UBE2D3: variants seen among roughly 807,000 people sequenced by gnomAD.
UBE2D3 encodes ubiquitin conjugating enzyme E2 D3.
A neutral mutation model predicts 22.8 loss-of-function variants in UBE2D3; 2 were observed. The ratio of observed to expected loss-of-function variants is 0.09; its 90% CI spans 0.04 to 0.28. The LOEUF (loss-of-function observed/expected upper bound fraction) is 0.28. UBE2D3 is among the 10% of genes least tolerant of loss of function. The pLI is 1.00. For missense variants in UBE2D3, 27 were observed against 182.5 expected, an observed-to-expected ratio of 0.15 and a Z score of 4.91; for synonymous variants, 56 against 60.4, an observed-to-expected ratio of 0.93 and a Z score of 0.34.
chr4:102,843,661 C>A (rs1731886881), intron 1 of UBE2D3: 1 of 115,726 alleles, frequency 8.6e-6, no homozygotes, highest in African/African-American at 3.9e-5. Context: ...CATTGGACCC[C>A]TAGAAACCTG....
intron 2 of UBE2D3, among the ~76,000 whole-genome samples, chr4:102,824,253 TTAAC>T (rs1404213574): frequency 6.6e-6 from 1 of 152,250 alleles, no homozygotes; most frequent in East Asian, 1.9e-4. Flanking sequence ...GACAACCTGG[TTAAC>T]TAAGAGTACT....
intron 1 of UBE2D3, chr4:102,827,129 C>T: frequency 1.0e-6 from 1 of 986,612 alleles, no homozygotes; most frequent in South Asian, 4.6e-5. Flanking sequence ...TTCTGTGTCA[C>T]CCCTGACGCC....
At chr4:102,822,550 A>G (rs1162026968) in intron 2 of UBE2D3, among the ~76,000 whole-genome samples, 1 of 152,266 alleles carries the variant, frequency 6.6e-6, no homozygotes, top group African/African-American at 2.4e-5. Flanking sequence ...ACCTAAGAGT[A>G]AAGCTAACTC....
rs140527756 is a variant in UBE2D3 at position 102,805,345 on chromosome 4, A to G, written c.121-2707T>C. ...AAACAAAATCCCCAAAGAATAAGGA[A>G]CACTGTGATCAGCAAATCGACTCAA... On this transcript the variant is annotated intron_variant, in intron 4 of 7. Coordinates refer to ENST00000453744, the MANE Select transcript of UBE2D3 (RefSeq NM_181891.3). 5.6e-3 allele frequency among the ~76,000 whole-genome samples: 857 copies of G among 152,316 alleles called. 5 individuals carry two copies. The highest frequency in any genetic ancestry group is 0.014 in the Middle Eastern group (4 of 294).
rs1252943702 is a variant in UBE2D3 at position 102,826,509 on chromosome 4, A to G, written c.-1T>C. The G allele has an allele frequency of 6.2e-7, 1 of 1,612,938 alleles. No individual in the cohort carries two copies. The highest frequency in any genetic ancestry group is 8.5e-7 in the Non-Finnish European group (1 of 1,179,874). On this transcript the variant is annotated 5_prime_UTR_variant, in exon 2 of 8. Coordinates refer to ENST00000453744, the MANE Select transcript of UBE2D3 (RefSeq NM_181891.3). ...CCTTATTAATCCGTTTCAGCGCCAT[A>G]GTGTGTGCTTGTCGTCTGGCTCCTC... is the stretch of plus-strand genomic sequence containing the variant.
intron 4 of UBE2D3, among the ~76,000 whole-genome samples, chr4:102,803,916 G>A (rs925834402): frequency 6.6e-6 from 1 of 151,596 alleles, no homozygotes; most frequent in Non-Finnish European, 1.5e-5. Context: ...TTACACATAT[G>A]CACCACCACA....
intron 1 of UBE2D3, among the ~76,000 whole-genome samples, chr4:102,833,904 C>T (rs1393338063): frequency 6.6e-6 from 1 of 152,160 alleles, no homozygotes; most frequent in African/African-American, 2.4e-5. Context: ...GAGGACCGAC[C>T]TACCCCTCTG....
intron 1 of UBE2D3, among the ~76,000 whole-genome samples, chr4:102,865,085 T>C (rs755517278): frequency 3.3e-5 from 5 of 152,208 alleles, no homozygotes; most frequent in Non-Finnish European, 7.3e-5. Flanking sequence ...CACAGGTGAA[T>C]ACCTTTGTGA....
rs1728792548 is a variant in UBE2D3, at chr4:102,816,484, G to T, written c.25-6629C>A. Among the ~76,000 whole-genome samples, 6 of 152,144 alleles carry T rather than the reference G, an allele frequency of 3.9e-5. No individual in the cohort carries two copies. In the South Asian group the frequency reaches 1.2e-3, roughly 32 times the overall value. On this transcript the variant is annotated intron_variant, in intron 2 of 7. Coordinates refer to ENST00000453744, the MANE Select transcript of UBE2D3 (RefSeq NM_181891.3). ...GTTCCTGAGGTTGTAGCTTGCTCTG[G>T]TTCCTACACCTATTCCATTCATTGT...
intron 6 of UBE2D3, 90 bp from the exon 7 acceptor site, chr4:102,799,590 AAAAG>A (rs1363268488): frequency 2.2e-6 from 2 of 897,406 alleles, no homozygotes; most frequent in East Asian, 5.1e-5. Flanking sequence ...CTCAATCCTC[AAAAG>A]ACTTTTATTA....
intron 4 of UBE2D3, among the ~76,000 whole-genome samples, chr4:102,807,867 C>CA (rs746027925): frequency 2.0e-5 from 3 of 152,014 alleles, no homozygotes; most frequent in Non-Finnish European, 2.9e-5. Flanking sequence ...GTGTGTTGTT[C>CA]AAAATAACAA....
At chr4:102,807,146 C>T (rs942916253) in intron 4 of UBE2D3, among the ~76,000 whole-genome samples, 8 of 152,164 alleles carry the variant, frequency 5.3e-5, no homozygotes, top group Non-Finnish European at 1.0e-4. Context: ...TAGTCCAAAG[C>T]AAAAGTGACG....
chr4:102,820,305 T>C (rs1729395066), intron 2 of UBE2D3, among the ~76,000 whole-genome samples: 1 of 152,144 alleles, frequency 6.6e-6, no homozygotes, highest in South Asian at 2.1e-4. Flanking sequence ...AACAACAAAC[T>C]TCAGAAACAT....
At chr4:102,834,943 T>A (rs1254495653) in intron 1 of UBE2D3, among the ~76,000 whole-genome samples, 1 of 151,990 alleles carries the variant, frequency 6.6e-6, no homozygotes, top group Admixed American at 6.5e-5. Flanking sequence ...TAGGCCCAGC[T>A]AATTTTTGAA....
chr4:102,807,872 TAAC>T (rs1259374186), intron 4 of UBE2D3, among the ~76,000 whole-genome samples: 1 of 152,124 alleles, frequency 6.6e-6, no homozygotes, highest in African/African-American at 2.4e-5. Flanking sequence ...TTGTTCAAAA[TAAC>T]AAAGTCTAAA....
intron 1 of UBE2D3, among the ~76,000 whole-genome samples, chr4:102,860,436 T>G (rs1205185076): frequency 1.3e-5 from 2 of 151,182 alleles, no homozygotes; most frequent in East Asian, 3.9e-4. Context: ...TGTGTGTGTG[T>G]GTGTTCTTTT....
chr4:102,824,675 GA>G (rs997358785), intron 2 of UBE2D3, among the ~76,000 whole-genome samples: 1 of 151,896 alleles, frequency 6.6e-6, no homozygotes, highest in Admixed American at 6.5e-5. Flanking sequence ...ACCTGTAAGA[GA>G]AAAAAAATCA....
At chr4:102,817,070 A>G (rs1728875913) in intron 2 of UBE2D3, among the ~76,000 whole-genome samples, 1 of 152,224 alleles carries the variant, frequency 6.6e-6, no homozygotes, top group South Asian at 2.1e-4. Flanking sequence ...GCAGGCATTT[A>G]CCAAGAACAA....
intron 2 of UBE2D3, among the ~76,000 whole-genome samples, chr4:102,819,310 G>A (rs4434256): frequency 0.018 from 2,675 of 147,684 alleles, 77 homozygotes; most frequent in African/African-American, 0.062. Context: ...AGCCTGGGCA[G>A]CTGACCAAGA....
Sources: allele counts gnomAD v4.1 joint callset (sites outside exome capture counted in the v4.1 genomes callset), GRCh38; gene constraint gnomAD v4.1.1; transcripts MANE v1.5; gene names NCBI Gene and HGNC (gene_info 2026-07-23, HGNC 2026-07-21).